The following CPS1 variants were observed in gnomAD, a reference collection of about 807,000 sequenced individuals.
CPS1 encodes the protein carbamoyl-phosphate synthase [ammonia], mitochondrial.
CPS1 carries 109 observed loss-of-function variants against 174.6 expected under a neutral mutation model. That is an observed-to-expected ratio of 0.62 (90% confidence interval 0.53 to 0.73). The LOEUF (loss-of-function observed/expected upper bound fraction) is 0.73, where lower values mean the gene tolerates loss of function less well. CPS1 is among the 30% of genes least tolerant of loss of function. CPS1 has a pLI of 0.00. For missense variants in CPS1, 1,689 were observed against 1,821.9 expected, an observed-to-expected ratio of 0.93 and a Z score of 1.33; for synonymous variants, 637 against 632.0, an observed-to-expected ratio of 1.01 and a Z score of -0.12.
intron 1 of CPS1, among the ~76,000 whole-genome samples, chr2:210,562,210 G>T (rs1697125475): frequency 6.6e-6 from 1 of 152,074 alleles, no homozygotes; most frequent in Admixed American, 6.5e-5. Flanking sequence ...TTAATCTTTT[G>T]TTTATAAATG....
intron 21 of CPS1, among the ~76,000 whole-genome samples, chr2:210,622,445 G>A (rs573907388): frequency 4.6e-5 from 7 of 151,828 alleles, no homozygotes; most frequent in African/African-American, 1.7e-4. Flanking sequence ...GTTTAGAGGT[G>A]TAGATAACAT....
chr2:210,523,106 C>T lies in CPS1; in HGVS notation c.4-33613C>T, dbSNP rs181596789. Among the ~76,000 whole-genome samples, 199 of 152,116 alleles carry T rather than the reference C, an allele frequency of 1.3e-3. 1 individual carries two copies. Among genetic ancestry groups the T allele is most frequent in the Non-Finnish European group, 2.1e-3 (140 of 67,944 alleles). On this transcript the variant is annotated intron_variant, in intron 1 of 38. Coordinates refer to the CPS1 transcript ENST00000430249. Reference sequence around the variant, plus strand: ...TAACTAGCTGTGAGATACTGGGCAACTCTCTTTTCTTATCTAAGCCTCTGT... The same window carrying T: ...TAACTAGCTGTGAGATACTGGGCAATTCTCTTTTCTTATCTAAGCCTCTGT...
chr2:210,663,619 T>A (rs1700994213), intron 33 of CPS1, among the ~76,000 whole-genome samples: 1 of 152,186 alleles, frequency 6.6e-6, no homozygotes, highest in African/African-American at 2.4e-5. Flanking sequence ...ATCATAGACC[T>A]AAACATTGTG....
chr2:210,549,053 C>G (rs1270516561), intron 1 of CPS1, among the ~76,000 whole-genome samples: 1 of 152,004 alleles, frequency 6.6e-6, no homozygotes, highest in Non-Finnish European at 1.5e-5. Context: ...GTGTAAACTA[C>G]TGCCCCTTAC....
At position 210,484,762 on chromosome 2, in the gene CPS1, AC is replaced by A. The variant is rs1694670427; in HGVS notation, c.3+7002del. 3.3e-5 allele frequency among the ~76,000 whole-genome samples: 5 copies of A among 151,856 alleles called. No individual in the cohort carries two copies. The South Asian group carries it at 1.0e-3, about 32-fold the overall frequency. On this transcript the variant is annotated intron_variant, in intron 1 of 38. Coordinates refer to the CPS1 transcript ENST00000430249. ...TGATTGCATTTCTTTCCTGCTATAAACCCCCCTAATTTTAGTAGGTGTAGGA... is the reference window on the plus strand; with the variant it reads ...TGATTGCATTTCTTTCCTGCTATAAACCCCCTAATTTTAGTAGGTGTAGGA...
At position 210,576,477 on chromosome 2, in the gene CPS1, C is replaced by T; in HGVS notation, c.368C>T (p.Ser123Phe). ...CTGGGACTTAGCAAATATTTGGAGT[C>T]TAATGGAATCAAGGTAGTACCAGTG... The part of the protein sequence containing the change: ...DELGLSKYLE[S>F]NGIKVSGLLV... The change falls in exon 3 of 38, where the codon TCT becomes TTT. Residue 123 changes from serine (S) to phenylalanine (F), a missense_variant. Coordinates refer to ENST00000233072, the MANE Select transcript of CPS1 (RefSeq NM_001875.5). 6.2e-7 allele frequency: 1 copy of T among 1,613,518 alleles called. No homozygotes were observed. The highest frequency in any genetic ancestry group is 8.5e-7 in the Non-Finnish European group (1 of 1,179,592).
chr2:210,662,910 TA>T (rs761967488), intron 32 of CPS1, among the ~76,000 whole-genome samples: 5 of 152,218 alleles, frequency 3.3e-5, no homozygotes, highest in Non-Finnish European at 7.3e-5. Flanking sequence ...TTATTTAACC[TA>T]AAGTTTTGGC....
upstream of CPS1, among the ~76,000 whole-genome samples, chr2:210,554,117 G>GTGTATATA (rs1696810123): frequency 1.4e-5 from 2 of 138,150 alleles, no homozygotes; most frequent in African/African-American, 2.7e-5. Flanking sequence ...ATATATATAT[G>GTGTATATA]TATGTATATA....
At chr2:210,579,410 C>T (rs931160389) in intron 4 of CPS1, among the ~76,000 whole-genome samples, 2 of 152,082 alleles carry the variant, frequency 1.3e-5, no homozygotes, top group African/African-American at 4.8e-5. Flanking sequence ...TGAAGTTCAC[C>T]AATGTGATTT....
chr2:210,648,818 A>G (rs1414299795), intron 27 of CPS1, among the ~76,000 whole-genome samples: 3 of 152,206 alleles, frequency 2.0e-5, no homozygotes, highest in African/African-American at 7.2e-5. Flanking sequence ...ATATTAAAGA[A>G]CAGGACAATT....
chr2:210,487,954 G>A (rs1271146493), intron 1 of CPS1, among the ~76,000 whole-genome samples: 3 of 152,126 alleles, frequency 2.0e-5, no homozygotes, highest in Non-Finnish European at 2.9e-5. Flanking sequence ...TTTCTTGCCT[G>A]TGTCATGGAC....
intron 14 of CPS1, among the ~76,000 whole-genome samples, chr2:210,600,307 C>T (rs1200197270): frequency 6.6e-6 from 1 of 151,684 alleles, no homozygotes; most frequent in Non-Finnish European, 1.5e-5. Flanking sequence ...AATACTATGA[C>T]TTTTATTAAT....
At chr2:210,614,539 C>T (rs1699237598) in intron 20 of CPS1, among the ~76,000 whole-genome samples, 1 of 151,960 alleles carries the variant, frequency 6.6e-6, no homozygotes, top group South Asian at 2.1e-4. Flanking sequence ...ATTCCTATTT[C>T]TCAGCATCCT....
chr2:210,477,934 T>C (rs1694443464), intron 1 of CPS1, among the ~76,000 whole-genome samples: 1 of 152,246 alleles, frequency 6.6e-6, no homozygotes, highest in African/African-American at 2.4e-5. Context: ...TAAATATTAC[T>C]GTTGTTAAGC....
intron 21 of CPS1, among the ~76,000 whole-genome samples, chr2:210,624,990 C>T (rs1055120314): frequency 5.3e-5 from 8 of 151,788 alleles, no homozygotes; most frequent in Admixed American, 2.0e-4. Flanking sequence ...ATACATTATT[C>T]CTGTGTTAAT....
At chr2:210,622,121 T>A (rs1699548541) in intron 21 of CPS1, among the ~76,000 whole-genome samples, 1 of 151,536 alleles carries the variant, frequency 6.6e-6, no homozygotes, top group Non-Finnish European at 1.5e-5. Flanking sequence ...ATATACTTTT[T>A]ACTTTAGTAA....
chr2:210,570,619 T>C (rs1247676096), intron 1 of CPS1, among the ~76,000 whole-genome samples: 1 of 151,970 alleles, frequency 6.6e-6, no homozygotes, highest in South Asian at 2.1e-4. Context: ...ATTTACAGTC[T>C]ACACTCAAAT....
intron 1 of CPS1, among the ~76,000 whole-genome samples, chr2:210,511,615 T>C (rs1016700815): frequency 3.3e-5 from 5 of 152,078 alleles, no homozygotes; most frequent in African/African-American, 1.2e-4. Context: ...CAAAGACTTT[T>C]ACAACTTCAT....
intron 1 of CPS1, among the ~76,000 whole-genome samples, chr2:210,567,771 C>T (rs996592288): frequency 2.6e-5 from 4 of 152,036 alleles, no homozygotes; most frequent in Admixed American, 2.6e-4. Flanking sequence ...CAATTGCCAC[C>T]CAGCCTTAAC....
Sources: allele counts gnomAD v4.1 joint callset (sites outside exome capture counted in the v4.1 genomes callset), GRCh38; gene constraint gnomAD v4.1.1; transcripts MANE v1.5; gene names NCBI Gene and HGNC (gene_info 2026-07-23, HGNC 2026-07-21).